The following LOXHD1 variants were observed in gnomAD, a reference collection of about 807,000 sequenced individuals.
LOXHD1 encodes the protein lipoxygenase homology domain-containing protein 1.
In LOXHD1, 205 loss-of-function variants were observed where a neutral mutation model predicts 248.2. That is an observed-to-expected ratio of 0.83 (90% CI 0.74 to 0.93). The LOEUF is 0.93. LOXHD1 is among the 40% of genes least tolerant of loss of function. The probability of loss-of-function intolerance (pLI) is 0.00; values close to 1 mark genes in which losing one functional copy is unlikely to be tolerated. For missense variants in LOXHD1, 2,930 were observed against 2,971.6 expected, an observed-to-expected ratio of 0.99 and a Z score of 0.33; for synonymous variants, 1,113 against 1,162.8, an observed-to-expected ratio of 0.96 and a Z score of 0.87.
At chr18:46,587,047 C>T (rs1432140576) in intron 12 of LOXHD1, among the ~76,000 whole-genome samples, 1 of 152,206 alleles carries the variant, frequency 6.6e-6, no homozygotes, top group Non-Finnish European at 1.5e-5. Flanking sequence ...TAGGTAGGCA[C>T]TTAAACCATG....
chr18:46,492,965 G>C (rs903459688), intron 37 of LOXHD1, among the ~76,000 whole-genome samples: 4 of 152,100 alleles, frequency 2.6e-5, no homozygotes, highest in Admixed American at 2.6e-4. Flanking sequence ...ATCAGATTTT[G>C]TCACTTCTCC....
intron 31 of LOXHD1, 87 bp from the exon 32 acceptor site, chr18:46,522,396 T>A: frequency 4.7e-6 from 5 of 1,074,288 alleles, no homozygotes; most frequent in Middle Eastern, 2.8e-4. Flanking sequence ...AAGTGACCTC[T>A]GAGGGCACTG....
At chr18:46,527,501 G>A (rs1036194978) in intron 29 of LOXHD1, among the ~76,000 whole-genome samples, 1 of 152,198 alleles carries the variant, frequency 6.6e-6, no homozygotes, top group African/African-American at 2.4e-5. Flanking sequence ...TTAGGGTGGA[G>A]GAAAAGGAGG....
intron 21 of LOXHD1, among the ~76,000 whole-genome samples, chr18:46,554,832 A>G (rs2037253347): frequency 6.6e-6 from 1 of 152,204 alleles, no homozygotes; most frequent in Non-Finnish European, 1.5e-5. Flanking sequence ...AGCATTACTG[A>G]GGTACATAAA....
chr18:46,643,376 T>C (rs1009844578), intron 2 of LOXHD1, among the ~76,000 whole-genome samples: 9 of 152,124 alleles, frequency 5.9e-5, no homozygotes, highest in African/African-American at 1.2e-4. Context: ...TACTCCACCA[T>C]TGGCAAAATA....
In LOXHD1 at chr18:46,477,464, C is replaced by T; in HGVS notation, c.*8G>A. The stretch of plus-strand genomic sequence containing the variant: ...GCATCTCAGTGAGAGGGTGGGGGCC[C>T]TAGCCCCTCAGACAGAAGGGAAGAG... On this transcript the variant is annotated 3_prime_UTR_variant, in exon 41 of 41. Coordinates refer to ENST00000642948, the MANE Select transcript of LOXHD1 (RefSeq NM_001384474.1). 7 of 1,543,386 alleles carry T rather than the reference C, an allele frequency of 4.5e-6. No homozygotes were observed. The highest frequency in any genetic ancestry group is 6.1e-6 in the Non-Finnish European group (7 of 1,141,606).
rs1481663810 is a variant in LOXHD1 at position 46,560,168 on chromosome 18, G to A, written c.2976C>T (p.Phe992=). The A allele has an allele frequency of 4.5e-6, 7 of 1,551,328 alleles. No homozygotes were observed. The highest frequency in any genetic ancestry group is 4.9e-5 in the East Asian group (2 of 40,860). Residue 992 remains phenylalanine, a synonymous_variant, in exon 19 of 41, where the codon TTC becomes TTT. Transcript: ENST00000642948. ...CCCGGGCCAGCCAGCGGTGGGCTTC[G>A]AACTTGTGCTGCTCAATCACCTCCT... The part of the protein sequence containing the change: ...GMQEVIEQHK[F]EAHRWLARGK...
chr18:46,647,173 A>T (rs2039042060), intron 2 of LOXHD1, among the ~76,000 whole-genome samples: 2 of 152,224 alleles, frequency 1.3e-5, no homozygotes, highest in African/African-American at 4.8e-5. Context: ...GCCCAGGAGA[A>T]GCTGGCTGCC....
At chr18:46,537,788 C>T (rs1317180133) in intron 26 of LOXHD1, among the ~76,000 whole-genome samples, 1 of 152,226 alleles carries the variant, frequency 6.6e-6, no homozygotes, top group Non-Finnish European at 1.5e-5. Flanking sequence ...TCCACCTCTC[C>T]CTGGCTAGCA....
At chr18:46,527,467 C>T (rs2035877001) in intron 29 of LOXHD1, among the ~76,000 whole-genome samples, 1 of 152,190 alleles carries the variant, frequency 6.6e-6, no homozygotes, top group African/African-American at 2.4e-5. Context: ...TTGACCTTCA[C>T]AGTAACTCAA....
rs2034809017 is a variant in LOXHD1, at chr18:46,509,468, C to T, written c.5517+230G>A. The stretch of plus-strand genomic sequence containing the variant: ...CTCTGTCCACGTAACGTTGACAGCT[C>T]TTGTTTAATTACCTGACAGTTGCTT... On this transcript the variant is annotated intron_variant, in intron 35 of 40. Transcript: ENST00000642948. 37 of 571,972 alleles carry T rather than the reference C, an allele frequency of 6.5e-5. No individual in the cohort carries two copies. The South Asian group carries it at 6.6e-4, about 10-fold the overall frequency. The allele number at this position is 571,972 out of a possible 1,614,324, so 35.4% of individuals were successfully genotyped here.
intron 16 of LOXHD1, 63 bp from the exon 17 acceptor site, chr18:46,566,512 C>T: frequency 7.2e-7 from 1 of 1,390,104 alleles, no homozygotes; most frequent in Non-Finnish European, 9.9e-7. Flanking sequence ...ATGATCCCAT[C>T]CCTACCTCCC....
At chr18:46,563,565 T>C (rs984250984) in intron 17 of LOXHD1, among the ~76,000 whole-genome samples, 16 of 152,200 alleles carry the variant, frequency 1.1e-4, no homozygotes, top group Admixed American at 9.8e-4. Flanking sequence ...GTTTGCATGT[T>C]TGTCCTCTCC....
At chr18:46,506,922 C>T (rs1443155341) in intron 36 of LOXHD1, among the ~76,000 whole-genome samples, 3 of 152,150 alleles carry the variant, frequency 2.0e-5, no homozygotes, top group Non-Finnish European at 1.5e-5. Context: ...TGCCCCCATG[C>T]CTGGATGACA....
intron 5 of LOXHD1, 111 bp downstream of exon 5, chr18:46,618,081 G>A (rs1364083051): frequency 7.0e-6 from 5 of 714,648 alleles, no homozygotes; most frequent in Non-Finnish European, 1.2e-5. Flanking sequence ...ATGCTCAATA[G>A]AGGAGCCCAA....
chr18:46,615,772 T>C (rs547661635), intron 5 of LOXHD1, among the ~76,000 whole-genome samples: 6 of 152,324 alleles, frequency 3.9e-5, no homozygotes, highest in South Asian at 2.1e-4. Flanking sequence ...GGCCTATCCA[T>C]TATTGAGAGT....
rs1204398844 is a variant in LOXHD1, at chr18:46,518,245, T to C, written c.5283A>G (p.Glu1761=). 11 of 1,551,576 alleles carry C rather than the reference T, an allele frequency of 7.1e-6. No homozygotes were observed. Among genetic ancestry groups the C allele is most frequent in the Non-Finnish European group, 7.8e-6 (9 of 1,146,900 alleles). The change falls in exon 34 of 41, where the codon GAA becomes GAG. Residue 1761 remains glutamate (E), a synonymous_variant. Coordinates refer to ENST00000642948, the MANE Select transcript of LOXHD1 (RefSeq NM_001384474.1). ...VVNIGVKVLY[E]MTVWTGDVVG... ...CCACATCCCCTGTCCACACCGTCATTTCATAGAGAACCTGCCATGAGAGGA... is the reference window on the plus strand; with the variant it reads ...CCACATCCCCTGTCCACACCGTCATCTCATAGAGAACCTGCCATGAGAGGA...
intron 14 of LOXHD1, among the ~76,000 whole-genome samples, chr18:46,572,662 T>G (rs1041674821): frequency 3.3e-5 from 5 of 152,154 alleles, no homozygotes; most frequent in African/African-American, 1.2e-4. Flanking sequence ...CCTCTTTTTC[T>G]AAGAGCTTTC....
At chr18:46,511,925 A>T (rs1227009066) in intron 34 of LOXHD1, among the ~76,000 whole-genome samples, 2 of 152,182 alleles carry the variant, frequency 1.3e-5, no homozygotes, top group African/African-American at 4.8e-5. Context: ...CCTTTGAAAA[A>T]ATTATAACAG....
Sources: allele counts gnomAD v4.1 joint callset (sites outside exome capture counted in the v4.1 genomes callset), GRCh38; gene constraint gnomAD v4.1.1; transcripts MANE v1.5; gene names NCBI Gene and HGNC (gene_info 2026-07-23, HGNC 2026-07-21).